Variants in ARFIP1 observed in about 807,000 individuals in gnomAD.
The protein encoded by ARFIP1 is ARF interacting protein 1, also known as arfaptin-1.
In ARFIP1, 24 loss-of-function variants were observed where a neutral mutation model predicts 42.5. That is an observed-to-expected ratio of 0.57 (90% CI 0.41 to 0.80). The LOEUF (loss-of-function observed/expected upper bound fraction) is 0.80. Ranked by LOEUF, ARFIP1 falls within the 30% of genes least tolerant of loss-of-function variation. ARFIP1 has a pLI of 0.00. For synonymous variants in ARFIP1, 141 were observed against 153.7 expected, an observed-to-expected ratio of 0.92 and a Z score of 0.61; for missense variants, 354 against 434.0, an observed-to-expected ratio of 0.82 and a Z score of 1.64.
chr4:152,898,647 A>G (rs1737561905), intron 8 of ARFIP1, among the ~76,000 whole-genome samples: 1 of 152,240 alleles, frequency 6.6e-6, no homozygotes, highest in Admixed American at 6.5e-5. Context: ...ATGCTAACTT[A>G]AACATGAGAA....
At chr4:152,862,316 T>TTTTCTTC (rs1314381726) in intron 2 of ARFIP1, among the ~76,000 whole-genome samples, 2 of 152,172 alleles carry the variant, frequency 1.3e-5, no homozygotes, top group African/African-American at 4.8e-5. Flanking sequence ...CATTAAGACT[T>TTTTCTTC]TTTCTTCTAT....
At chr4:152,880,887 G>A (rs1013347638) in intron 5 of ARFIP1, 76 bp from the exon 6 acceptor site, 8 of 1,144,782 alleles carry the variant, frequency 7.0e-6, no homozygotes, top group Non-Finnish European at 7.6e-6. Context: ...CCAAAAAATG[G>A]TGTATGCCAT....
intron 2 of ARFIP1, among the ~76,000 whole-genome samples, chr4:152,841,410 T>G (rs779523976): frequency 2.0e-5 from 3 of 152,206 alleles, no homozygotes; most frequent in Non-Finnish European, 2.9e-5. Context: ...TACGGTTGCA[T>G]TCATTGTGCT....
At chr4:152,801,677 T>C (rs1044737755) in intron 1 of ARFIP1, among the ~76,000 whole-genome samples, 4 of 152,170 alleles carry the variant, frequency 2.6e-5, no homozygotes, top group African/African-American at 7.2e-5. Flanking sequence ...AAATCTGTCT[T>C]GATTGTGGTC....
chr4:152,882,575 A>G (rs1735931082), intron 6 of ARFIP1, 148 bp from the exon 7 acceptor site: 1 of 868,324 alleles, frequency 1.2e-6, no homozygotes, highest in African/African-American at 1.8e-5. Flanking sequence ...TGTGATTTCG[A>G]TTCTTAAAGA....
chr4:152,791,287 C>T (rs1406522202), intron 1 of ARFIP1, among the ~76,000 whole-genome samples: 3 of 152,142 alleles, frequency 2.0e-5, no homozygotes, highest in East Asian at 1.9e-4. Flanking sequence ...GAAAATGATT[C>T]GTTTTTCTTC....
At chr4:152,813,276 C>T (rs556558583) in intron 1 of ARFIP1, among the ~76,000 whole-genome samples, 3 of 152,210 alleles carry the variant, frequency 2.0e-5, no homozygotes, top group South Asian at 4.2e-4. Context: ...CCCTGAGCAT[C>T]GGTAGAATTT....
intron 1 of ARFIP1, among the ~76,000 whole-genome samples, chr4:152,782,252 G>C (rs1190796245): frequency 5.3e-5 from 7 of 131,940 alleles, no homozygotes; most frequent in African/African-American, 1.9e-4. Flanking sequence ...GTGTGTGTGT[G>C]TGTGTGTTTT....
intron 1 of ARFIP1, among the ~76,000 whole-genome samples, chr4:152,798,078 C>T (rs764762166): frequency 5.3e-5 from 8 of 151,968 alleles, no homozygotes; most frequent in Non-Finnish European, 7.4e-5. Flanking sequence ...GCCAACATGG[C>T]GAAACTCTGT....
intron 8 of ARFIP1, among the ~76,000 whole-genome samples, chr4:152,898,093 C>T (rs1010526601): frequency 6.7e-6 from 1 of 149,670 alleles, no homozygotes. Context: ...AAGCAATTCT[C>T]TGCCTCAGCC....
At chr4:152,842,191 C>A (rs1732146506) in intron 2 of ARFIP1, among the ~76,000 whole-genome samples, 1 of 152,116 alleles carries the variant, frequency 6.6e-6, no homozygotes, top group African/African-American at 2.4e-5. Context: ...AATAGCCAAT[C>A]ATCTATCGCC....
chr4:152,904,054 G>A (rs4522847), intron 8 of ARFIP1, among the ~76,000 whole-genome samples: 57,187 of 151,014 alleles, frequency 0.38, 11,877 homozygotes, highest in Admixed American at 0.49. Context: ...TTTTTTTTAA[G>A]TTATTTTTAT....
At chr4:152,862,517 T>C (rs1189040795) in intron 2 of ARFIP1, among the ~76,000 whole-genome samples, 1 of 152,102 alleles carries the variant, frequency 6.6e-6, no homozygotes, top group African/African-American at 2.4e-5. Flanking sequence ...TCTATACTTG[T>C]ACCAGTACAT....
chr4:152,787,160 A>G (rs1036194677), intron 1 of ARFIP1, among the ~76,000 whole-genome samples: 1 of 152,066 alleles, frequency 6.6e-6, no homozygotes, highest in Non-Finnish European at 1.5e-5. Context: ...CCTAAATTTG[A>G]CTCATTAAAT....
intron 5 of ARFIP1, among the ~76,000 whole-genome samples, chr4:152,880,052 G>A (rs935075918): frequency 3.9e-5 from 6 of 151,986 alleles, no homozygotes; most frequent in African/African-American, 1.4e-4. Context: ...AAAAATTACA[G>A]GTTTCTAGGC....
chr4:152,826,919 T>G (rs1441054735), intron 1 of ARFIP1, among the ~76,000 whole-genome samples: 1 of 152,150 alleles, frequency 6.6e-6, no homozygotes, highest in Admixed American at 6.5e-5. Flanking sequence ...TTAAGTGAAA[T>G]AGCCAATCAC....
At chr4:152,813,869 T>C (rs1406556091) in intron 1 of ARFIP1, among the ~76,000 whole-genome samples, 1 of 152,180 alleles carries the variant, frequency 6.6e-6, no homozygotes, top group East Asian at 1.9e-4. Flanking sequence ...TTTTTGTATT[T>C]ACCAAGTTAT....
intron 1 of ARFIP1, among the ~76,000 whole-genome samples, chr4:152,803,197 T>C (rs1342745968): frequency 6.6e-6 from 1 of 152,090 alleles, no homozygotes; most frequent in Non-Finnish European, 1.5e-5. Context: ...GTTATCACGA[T>C]TGTAGTACTG....
At chr4:152,821,438 A>C (rs1448795402) in intron 1 of ARFIP1, among the ~76,000 whole-genome samples, 1 of 152,224 alleles carries the variant, frequency 6.6e-6, no homozygotes, top group African/African-American at 2.4e-5. Flanking sequence ...CAGTCAGACA[A>C]AAATTATGAC....
Sources: gnomAD v4.1 joint callset for allele counts (sites outside exome capture counted in the v4.1 genomes callset) on GRCh38, gnomAD v4.1.1 for gene constraint, MANE v1.5 for transcripts, NCBI Gene and HGNC (gene_info 2026-07-23, HGNC 2026-07-21) for gene names.